LARGE1: variants seen among roughly 807,000 people sequenced by gnomAD.
The protein encoded by LARGE1 is xylosyl- and glucuronyltransferase LARGE1.
LARGE1 carries 43 observed loss-of-function variants against 87.6 expected under a neutral mutation model. The observed-to-expected ratio is 0.49, with a 90% CI of 0.38 to 0.63. The LOEUF (loss-of-function observed/expected upper bound fraction) is 0.63, where lower values mean the gene tolerates loss of function less well. Ranked by LOEUF, LARGE1 falls within the 30% of genes least tolerant of loss-of-function variation. LARGE1 has a pLI of 0.00. For synonymous variants in LARGE1, 434 were observed against 394.6 expected, an observed-to-expected ratio of 1.10 and a Z score of -1.18; for missense variants, 802 against 1,000.2, an observed-to-expected ratio of 0.80 and a Z score of 2.67.
intron 1 of LARGE1, among the ~76,000 whole-genome samples, chr22:33,823,048 C>T (rs867013768): frequency 1.3e-5 from 2 of 152,152 alleles, no homozygotes; most frequent in Non-Finnish European, 2.9e-5. Context: ...ATGTGTTGCA[C>T]AAGAAATAAA....
chr22:33,727,925 G>GGAGA (rs563205585), intron 2 of LARGE1, among the ~76,000 whole-genome samples: 152 of 152,256 alleles, frequency 1.0e-3, no homozygotes, highest in Non-Finnish European at 1.8e-3. Flanking sequence ...TCAGCAGGGA[G>GGAGA]GAGAGGTGAG....
At chr22:33,440,332 A>G (rs973676987) in intron 6 of LARGE1, among the ~76,000 whole-genome samples, 1 of 152,214 alleles carries the variant, frequency 6.6e-6, no homozygotes, top group African/African-American at 2.4e-5. Context: ...AACACCAGGA[A>G]CAGGTGGCTC....
chr22:33,521,528 C>T (rs1347156867), intron 6 of LARGE1, among the ~76,000 whole-genome samples: 1 of 152,148 alleles, frequency 6.6e-6, no homozygotes, highest in Non-Finnish European at 1.5e-5. Flanking sequence ...CAGGTCTCTG[C>T]TTGTGTCATG....
intron 6 of LARGE1, among the ~76,000 whole-genome samples, chr22:33,564,061 AACACAGAAGGG>A (rs1252285698): frequency 2.2e-4 from 34 of 152,360 alleles, no homozygotes; most frequent in African/African-American, 7.7e-4. Context: ...AGGGATTTTA[AACACAGAAGGG>A]GCTAGCGTGC....
chr22:33,222,416 G>C (rs557724936), intron 11 of LARGE1, among the ~76,000 whole-genome samples: 2 of 152,288 alleles, frequency 1.3e-5, no homozygotes, highest in South Asian at 2.1e-4. Context: ...CATGTTGAAT[G>C]GTGCCCCCCC....
At chr22:33,332,135 G>C (rs113275189) in intron 10 of LARGE1, among the ~76,000 whole-genome samples, 1,774 of 152,196 alleles carry the variant, frequency 0.012, 37 homozygotes, top group African/African-American at 0.039. Flanking sequence ...GATATGGTTT[G>C]GCTGTGTCCC....
intron 1 of LARGE1, among the ~76,000 whole-genome samples, chr22:33,889,893 C>T (rs187170854): frequency 6.6e-6 from 1 of 152,214 alleles, no homozygotes; most frequent in Non-Finnish European, 1.5e-5. Flanking sequence ...AAATGGCCCC[C>T]GCCCTTGTGT....
At position 33,440,672 on chromosome 22, in the gene LARGE1, G is replaced by C. The variant is rs144429970; in HGVS notation, c.788-8407C>G. On this transcript the variant is annotated intron_variant, in intron 6 of 14. Transcript: ENST00000397394. ...CATATTACCGTTTACTAAACCTCCT[G>C]AAAGAGCTGCTACACAGCCCCAGGT... 2.9e-3 allele frequency among the ~76,000 whole-genome samples: 446 copies of C among 152,290 alleles called. 3 individuals carry two copies. Among genetic ancestry groups the C allele is most frequent in the African/African-American group, 0.01 (421 of 41,548 alleles).
chr22:33,348,191 T>G (rs570043372), intron 9 of LARGE1, among the ~76,000 whole-genome samples: 115 of 151,762 alleles, frequency 7.6e-4, no homozygotes, highest in African/African-American at 2.3e-3. Context: ...ACTGGGCAGA[T>G]GGGAGGTGGA....
chr22:33,891,263 T>C (rs2064998577), intron 1 of LARGE1, among the ~76,000 whole-genome samples: 1 of 152,212 alleles, frequency 6.6e-6, no homozygotes, highest in Non-Finnish European at 1.5e-5. Context: ...CCACTAAACT[T>C]GCCCCTTTGT....
At chr22:33,159,082 G>T (rs1921946059), downstream of LARGE1, among the ~76,000 whole-genome samples, 1 of 152,040 alleles carries the variant, frequency 6.6e-6, no homozygotes, top group African/African-American at 2.4e-5. Flanking sequence ...GGCCCTCTTT[G>T]TCCTCATCCC....
intron 12 of LARGE1, among the ~76,000 whole-genome samples, chr22:33,295,406 C>T (rs1233351819): frequency 6.6e-6 from 1 of 152,230 alleles, no homozygotes. Flanking sequence ...GAGAAGCCCT[C>T]TTGTCTCCAG....
chr22:33,460,721 C>A (rs2068342330), intron 6 of LARGE1, among the ~76,000 whole-genome samples: 1 of 152,124 alleles, frequency 6.6e-6, no homozygotes, highest in South Asian at 2.1e-4. Context: ...AGATGAAGAG[C>A]AGGATTACAT....
intron 1 of LARGE1, among the ~76,000 whole-genome samples, chr22:33,819,622 C>T (rs2086760917): frequency 6.6e-6 from 1 of 152,046 alleles, no homozygotes; most frequent in Non-Finnish European, 1.5e-5. Context: ...ATTAAGTTAC[C>T]TTTATTAATT....
intron 2 of LARGE1, among the ~76,000 whole-genome samples, chr22:33,671,139 A>G (rs1290051960): frequency 6.6e-6 from 1 of 152,206 alleles, no homozygotes; most frequent in Non-Finnish European, 1.5e-5. Context: ...TTCTAGGCAC[A>G]CCAAAAAACT....
chr22:33,596,065 T>C, intron 5 of LARGE1, among the ~76,000 whole-genome samples: 2 of 152,302 alleles, frequency 1.3e-5, no homozygotes, highest in South Asian at 4.1e-4. Flanking sequence ...GTATAGAATA[T>C]TATAGAAGAA....
chr22:33,407,864 A>T (rs2066157676), intron 7 of LARGE1, among the ~76,000 whole-genome samples: 1 of 152,226 alleles, frequency 6.6e-6, no homozygotes, highest in Admixed American at 6.5e-5. Flanking sequence ...AATCTAAATA[A>T]TAAGCAGAGA....
At chr22:33,535,124 TCCC>T (rs1227678102) in intron 6 of LARGE1, among the ~76,000 whole-genome samples, 4 of 152,242 alleles carry the variant, frequency 2.6e-5, no homozygotes, top group Non-Finnish European at 5.9e-5. Flanking sequence ...CTGAGGGGCC[TCCC>T]CCGTCAGGGC....
the LARGE1 span, among the ~76,000 whole-genome samples, chr22:33,072,801 C>T: frequency 6.6e-6 from 1 of 152,122 alleles, no homozygotes; most frequent in Admixed American, 6.6e-5. Context: ...CCACCCCAGA[C>T]CACAGGGCAT....
Sources: allele counts gnomAD v4.1 joint callset (sites outside exome capture counted in the v4.1 genomes callset), GRCh38; gene constraint gnomAD v4.1.1; transcripts MANE v1.5; gene names NCBI Gene and HGNC (gene_info 2026-07-23, HGNC 2026-07-21).